The following DACH1 variants were observed in gnomAD, a reference collection of about 807,000 sequenced individuals.
DACH1 encodes dachshund family transcription factor 1, also known as dachshund homolog 1.
In DACH1, 12 loss-of-function variants were observed where a neutral mutation model predicts 54.2. The ratio of observed to expected loss-of-function variants is 0.22; its 90% CI spans 0.14 to 0.36. The LOEUF is 0.36. Ranked by LOEUF, DACH1 falls within the 10% of genes least tolerant of loss-of-function variation. The pLI, the probability that DACH1 is intolerant of heterozygous loss-of-function variation, is 1.00. For missense variants in DACH1, 805 were observed against 929.8 expected (o/e 0.87, Z 1.75); for synonymous variants, 386 against 366.2 (o/e 1.05, Z -0.62).
intron 6 of DACH1, among the ~76,000 whole-genome samples, chr13:71,532,639 G>C (rs561391660): frequency 6.6e-6 from 1 of 151,936 alleles, no homozygotes; most frequent in Admixed American, 6.6e-5. Flanking sequence ...AAAGGATCCT[G>C]GTACCTAGTA....
intron 10 of DACH1, among the ~76,000 whole-genome samples, chr13:71,466,389 C>T (rs1480971488): frequency 3.9e-5 from 6 of 152,110 alleles, no homozygotes; most frequent in South Asian, 2.1e-4. Flanking sequence ...GTTAATAACT[C>T]TCTGTTTCAA....
intron 1 of DACH1, among the ~76,000 whole-genome samples, chr13:71,757,184 C>T (rs1885201743): frequency 6.6e-6 from 1 of 152,072 alleles, no homozygotes; most frequent in African/African-American, 2.4e-5. Flanking sequence ...AACATGCATT[C>T]AATTAAATGT....
intron 4 of DACH1, among the ~76,000 whole-genome samples, chr13:71,562,929 G>T (rs1190961790): frequency 6.6e-6 from 1 of 152,008 alleles, no homozygotes; most frequent in African/African-American, 2.4e-5. Flanking sequence ...TATCATAGAG[G>T]ATGCATTTAT....
intron 1 of DACH1, among the ~76,000 whole-genome samples, chr13:71,775,562 T>C (rs1422050481): frequency 6.6e-6 from 1 of 152,148 alleles, no homozygotes; most frequent in Admixed American, 6.6e-5. Flanking sequence ...CACACAAAGA[T>C]ATATACATTA....
At chr13:71,495,785 C>T (rs969291510) in intron 6 of DACH1, among the ~76,000 whole-genome samples, 2 of 152,200 alleles carry the variant, frequency 1.3e-5, no homozygotes, top group East Asian at 1.9e-4. Flanking sequence ...AACTACTATT[C>T]GACCCAGCAA....
At chr13:71,746,163 A>G (rs892736719) in intron 1 of DACH1, among the ~76,000 whole-genome samples, 1 of 152,230 alleles carries the variant, frequency 6.6e-6, no homozygotes, top group African/African-American at 2.4e-5. Flanking sequence ...GGTTGCGCTG[A>G]GCCGAGATTG....
chr13:71,682,591 T>G (rs1464599993), intron 1 of DACH1, among the ~76,000 whole-genome samples: 1 of 152,222 alleles, frequency 6.6e-6, no homozygotes, highest in Non-Finnish European at 1.5e-5. Flanking sequence ...TTAACCCTTA[T>G]TCTATTTAAG....
intron 1 of DACH1, among the ~76,000 whole-genome samples, chr13:71,754,235 C>T (rs181772231): frequency 1.3e-5 from 2 of 152,248 alleles, no homozygotes; most frequent in Admixed American, 1.3e-4. Context: ...CCTCTCTGAT[C>T]GTGCCCATTT....
At chr13:71,725,188 T>C (rs1883414552) in intron 1 of DACH1, among the ~76,000 whole-genome samples, 1 of 152,110 alleles carries the variant, frequency 6.6e-6, no homozygotes, top group Non-Finnish European at 1.5e-5. Flanking sequence ...GCAATATGAA[T>C]GTTAGCGTCA....
chr13:71,864,663 C>G (rs530284065), intron 1 of DACH1, among the ~76,000 whole-genome samples: 1 of 152,262 alleles, frequency 6.6e-6, no homozygotes, highest in Admixed American at 6.5e-5. Context: ...CGCTTCCTTG[C>G]AGAGAACCGT....
At chr13:71,445,851 T>C (rs991941537) in intron 10 of DACH1, among the ~76,000 whole-genome samples, 2 of 152,214 alleles carry the variant, frequency 1.3e-5, no homozygotes, top group African/African-American at 4.8e-5. Flanking sequence ...TTCTGAATTA[T>C]GGGGCTGTGG....
chr13:71,506,148 T>A (rs574622540), intron 6 of DACH1, among the ~76,000 whole-genome samples: 17 of 152,058 alleles, frequency 1.1e-4, no homozygotes, highest in Admixed American at 2.0e-4. Flanking sequence ...TTTTTTTTTT[T>A]ATTATACTTT....
Position 71,444,254 on chromosome 13 carries a change from A to G in DACH1, c.2084-3562T>C, listed in dbSNP as rs140761864. Among the ~76,000 whole-genome samples the G allele has an allele frequency of 2.8e-3, 423 of 152,276 alleles. 1 individual carries two copies. The highest frequency in any genetic ancestry group is 9.5e-3 in the African/African-American group (395 of 41,566). On this transcript the variant is annotated intron_variant, in intron 10 of 10. Coordinates refer to ENST00000613252, the MANE Select transcript of DACH1 (RefSeq NM_080759.6). ...TTGTTTAAAAATCTAGTAACAGAGA[A>G]TAGAGAAGTATCCAAAAAGATGGAG... is the stretch of plus-strand genomic sequence containing the variant.
At chr13:71,855,582 A>T (rs143456008) in intron 1 of DACH1, among the ~76,000 whole-genome samples, 146 of 152,170 alleles carry the variant, frequency 9.6e-4, no homozygotes, top group African/African-American at 3.3e-3. Context: ...TGTTAACTTC[A>T]GCTGTCCAAC....
intron 6 of DACH1, among the ~76,000 whole-genome samples, chr13:71,512,171 G>T (rs1425008932): frequency 6.6e-6 from 1 of 151,422 alleles, no homozygotes; most frequent in Admixed American, 6.6e-5. Context: ...AATTTTTTTT[G>T]AAACTTTACT....
intron 1 of DACH1, among the ~76,000 whole-genome samples, chr13:71,840,155 C>T (rs1888960068): frequency 1.3e-5 from 2 of 151,992 alleles, no homozygotes; most frequent in African/African-American, 2.4e-5. Context: ...ACTGTGTTGG[C>T]TAGGCTGGTC....
At chr13:71,720,703 T>C (rs1459103956) in intron 1 of DACH1, among the ~76,000 whole-genome samples, 1 of 152,180 alleles carries the variant, frequency 6.6e-6, no homozygotes, top group Non-Finnish European at 1.5e-5. Flanking sequence ...AGTCCTTCTT[T>C]GTCAATGCTT....
intron 1 of DACH1, among the ~76,000 whole-genome samples, chr13:71,702,278 G>A (rs1031372223): frequency 2.0e-5 from 3 of 152,090 alleles, no homozygotes; most frequent in East Asian, 1.9e-4. Flanking sequence ...AAATCATACA[G>A]CATATTTAAA....
chr13:71,483,081 C>A (rs1373347420), intron 7 of DACH1, among the ~76,000 whole-genome samples: 3 of 151,740 alleles, frequency 2.0e-5, no homozygotes, highest in African/African-American at 4.8e-5. Context: ...GGGATTACAG[C>A]GTGAGACATG....
Sources: allele counts gnomAD v4.1 joint callset (sites outside exome capture counted in the v4.1 genomes callset), GRCh38; gene constraint gnomAD v4.1.1; transcripts MANE v1.5; gene names NCBI Gene and HGNC (gene_info 2026-07-23, HGNC 2026-07-21).